Variants in SNCAIP observed in about 807,000 individuals in gnomAD.
SNCAIP encodes the protein synphilin-1.
A neutral mutation model predicts 86.7 loss-of-function variants in SNCAIP; 43 were observed. The observed-to-expected ratio is 0.50, with a 90% confidence interval of 0.39 to 0.64. The LOEUF is 0.64. Ranked by LOEUF, SNCAIP falls within the 30% of genes least tolerant of loss-of-function variation. SNCAIP has a pLI of 0.00. For synonymous variants in SNCAIP, 417 were observed against 427.2 expected (o/e 0.98, Z 0.29); for missense variants, 981 against 1,103.1 (o/e 0.89, Z 1.57).
At chr5:122,445,507 G>C (rs1295453994) in intron 8 of SNCAIP, among the ~76,000 whole-genome samples, 1 of 152,046 alleles carries the variant, frequency 6.6e-6, no homozygotes, top group African/African-American at 2.4e-5. Flanking sequence ...CCCTTGAAAA[G>C]CTCACCCATT....
chr5:122,415,287 G>A lies in SNCAIP; in HGVS notation c.131-7581G>A, dbSNP rs141930839. Among the ~76,000 whole-genome samples the A allele has an allele frequency of 2.0e-4, 30 of 152,332 alleles. 1 individual carries two copies. The highest frequency in any genetic ancestry group is 6.7e-4 in the African/African-American group (28 of 41,572). On this transcript the variant is annotated intron_variant, in intron 3 of 10. Coordinates refer to ENST00000261368, the MANE Select transcript of SNCAIP (RefSeq NM_005460.4). ...GGGCAGACCCACAGACCTGCCAAGA[G>A]CAAGAGTAGGCTGCAGGCCAGCACT...
chr5:122,401,566 C>G (rs558315778), intron 2 of SNCAIP, among the ~76,000 whole-genome samples: 7 of 152,286 alleles, frequency 4.6e-5, no homozygotes, highest in African/African-American at 1.4e-4. Flanking sequence ...AAACTGTCAT[C>G]TTTTTTAGAT....
chr5:122,326,639 T>A (rs915456526), intron 1 of SNCAIP, among the ~76,000 whole-genome samples: 32 of 107,854 alleles, frequency 3.0e-4, no homozygotes, highest in African/African-American at 1.4e-3. Flanking sequence ...TTTTTTTTTT[T>A]ACAATTAAGT....
At chr5:122,361,122 C>G (rs1393373104) in intron 1 of SNCAIP, among the ~76,000 whole-genome samples, 1 of 149,172 alleles carries the variant, frequency 6.7e-6, no homozygotes, top group Non-Finnish European at 1.5e-5. Context: ...TATTACATTA[C>G]ATCCTTTATT....
intron 3 of SNCAIP, among the ~76,000 whole-genome samples, chr5:122,405,853 C>T (rs1342511698): frequency 1.3e-5 from 2 of 152,128 alleles, no homozygotes; most frequent in Non-Finnish European, 2.9e-5. Context: ...TAGTCATCTC[C>T]ACAATAAATG....
At chr5:122,396,324 A>C (rs916628240) in intron 2 of SNCAIP, among the ~76,000 whole-genome samples, 1 of 152,176 alleles carries the variant, frequency 6.6e-6, no homozygotes, top group African/African-American at 2.4e-5. Flanking sequence ...CAGGACTAGA[A>C]TCTAGGTTCC....
Position 122,391,334 on chromosome 5 carries a change from C to T in SNCAIP, c.57+143C>T, listed in dbSNP as rs143837618. 6.6e-4 allele frequency: 474 copies of T among 714,130 alleles called. 2 individuals carry two copies. The African/African-American group carries it at 7.2e-3, about 11-fold the overall frequency. The allele number at this position is 714,130 out of a possible 1,614,324, so 44.2% of individuals were successfully genotyped here. A position where few individuals can be genotyped will look rare whatever the true frequency, so the allele number is the denominator to read the frequency against. The stretch of plus-strand genomic sequence containing the variant: ...CAGCAGAAATCCTGTGTGGCAGACT[C>T]GGTGTGGTTTGGGGGGATCTCTTAG... On this transcript the variant is annotated intron_variant, in intron 2 of 10. Coordinates refer to ENST00000261368, the MANE Select transcript of SNCAIP (RefSeq NM_005460.4).
chr5:122,444,994 G>C, intron 8 of SNCAIP: 1 of 488,438 alleles, frequency 2.0e-6, no homozygotes, highest in Non-Finnish European at 3.8e-6. Context: ...TGGACAAGGC[G>C]AGAGAGCCTC....
intron 7 of SNCAIP, chr5:122,444,015 C>T (rs531646694): frequency 1.5e-4 from 68 of 455,520 alleles, no homozygotes; most frequent in South Asian, 9.6e-4. Flanking sequence ...ATGTCCTCAC[C>T]ATAGCCCATT....
intron 1 of SNCAIP, among the ~76,000 whole-genome samples, chr5:122,318,155 T>A (rs930124231): frequency 6.6e-6 from 1 of 152,060 alleles, no homozygotes; most frequent in Non-Finnish European, 1.5e-5. Context: ...GCTGGTATGT[T>A]CAGCAACGCC....
intron 1 of SNCAIP, among the ~76,000 whole-genome samples, chr5:122,363,977 C>T (rs115838238): frequency 0.015 from 2,240 of 152,074 alleles, 47 homozygotes; most frequent in African/African-American, 0.052. Flanking sequence ...TGCCCTCCAC[C>T]ACACCAGGCT....
chr5:122,403,810 C>G lies in SNCAIP; in HGVS notation c.75C>G (p.Leu25=). ...SDDISYSVTS[L]KTIPELCRRC... ...CCGTTCAGTATTCAGTCACATCACT[C>G]AAGACGATCCCAGAACTGTGCCGAA... is the stretch of plus-strand genomic sequence containing the variant. Residue 25 remains leucine (L), a synonymous_variant, in exon 3 of 11, where the codon CTC becomes CTG. Transcript: ENST00000261368. The G allele has an allele frequency of 6.2e-7, 1 of 1,613,760 alleles. No homozygotes were observed. Among genetic ancestry groups the G allele is most frequent in the Non-Finnish European group, 8.5e-7 (1 of 1,179,708 alleles).
intron 3 of SNCAIP, among the ~76,000 whole-genome samples, chr5:122,413,331 A>C (rs1351989758): frequency 2.6e-5 from 4 of 152,182 alleles, no homozygotes; most frequent in African/African-American, 9.6e-5. Context: ...AGAAACTTGC[A>C]CATGTGCTTC....
chr5:122,322,191 C>G (rs1409283845), intron 1 of SNCAIP, among the ~76,000 whole-genome samples: 1 of 152,218 alleles, frequency 6.6e-6, no homozygotes, highest in Non-Finnish European at 1.5e-5. Context: ...AGATTTATAT[C>G]CTATGTCAAT....
chr5:122,399,643 A>C (rs1771363983), intron 2 of SNCAIP, among the ~76,000 whole-genome samples: 1 of 152,164 alleles, frequency 6.6e-6, no homozygotes, highest in South Asian at 2.1e-4. Context: ...GTCTAGAGGA[A>C]TTTATTTAAT....
chr5:122,456,538 G>C (rs1561818794), intron 10 of SNCAIP, among the ~76,000 whole-genome samples: 1 of 152,148 alleles, frequency 6.6e-6, no homozygotes, highest in Non-Finnish European at 1.5e-5. Context: ...GGAAGTAAAG[G>C]TGAGGCCCTG....
intron 3 of SNCAIP, among the ~76,000 whole-genome samples, chr5:122,412,948 T>A (rs1774460151): frequency 6.6e-6 from 1 of 152,212 alleles, no homozygotes; most frequent in Non-Finnish European, 1.5e-5. Flanking sequence ...ATAAACTAAA[T>A]GTTTGCGTCC....
chr5:122,387,060 T>C (rs1331649259), intron 1 of SNCAIP, among the ~76,000 whole-genome samples: 4 of 152,050 alleles, frequency 2.6e-5, no homozygotes, highest in African/African-American at 9.7e-5. Flanking sequence ...GCTGATGGCA[T>C]GGGGGAGAAA....
At chr5:122,393,143 G>A (rs900442729) in intron 2 of SNCAIP, among the ~76,000 whole-genome samples, 1 of 152,170 alleles carries the variant, frequency 6.6e-6, no homozygotes, top group African/African-American at 2.4e-5. Flanking sequence ...CTGTAATTGT[G>A]TAACTGCACC....
Sources: gnomAD v4.1 joint callset for allele counts (sites outside exome capture counted in the v4.1 genomes callset) on GRCh38, gnomAD v4.1.1 for gene constraint, MANE v1.5 for transcripts, NCBI Gene and HGNC (gene_info 2026-07-23, HGNC 2026-07-21) for gene names.